CELF2: variants seen among roughly 807,000 people sequenced by gnomAD.
CELF2 encodes CUGBP Elav-like family member 2, also known as CUG triplet repeat RNA-binding protein 2.
CELF2 carries 8 observed loss-of-function variants against 62.6 expected under a neutral mutation model. The ratio of observed to expected loss-of-function variants is 0.13; its 90% CI spans 0.07 to 0.23. The LOEUF is 0.23. CELF2 is among the 10% of genes least tolerant of loss of function. The pLI is 1.00. For missense variants in CELF2, 333 were observed against 671.0 expected (o/e 0.50, Z 5.56); for synonymous variants, 258 against 250.0 (o/e 1.03, Z -0.30).
chr10:10,772,076 C>G, the CELF2 span, among the ~76,000 whole-genome samples: 12,245 of 151,998 alleles, frequency 0.081, 708 homozygotes, highest in East Asian at 0.19. Flanking sequence ...ATTACTGTGC[C>G]TATTGTACAG....
intron 1 of CELF2, among the ~76,000 whole-genome samples, chr10:10,802,771 A>G (rs1202173163): frequency 6.6e-6 from 1 of 152,036 alleles, no homozygotes; most frequent in Non-Finnish European, 1.5e-5. Context: ...TCCTCTTCCA[A>G]CTCCATCCTC....
At chr10:11,138,298 G>A (rs1209848854) in intron 1 of CELF2, among the ~76,000 whole-genome samples, 1 of 152,068 alleles carries the variant, frequency 6.6e-6, no homozygotes, top group Non-Finnish European at 1.5e-5. Flanking sequence ...ACTGAGACAC[G>A]TAAATGGAAT....
At position 11,260,034 on chromosome 10, in the gene CELF2, A is replaced by G. The variant is rs1421458627; in HGVS notation, c.538+2162A>G. ...CCTTAAATTACTCATAGCGAAATCT[A>G]TAATGGCTTAGGGGCCAGTGACCCC... On this transcript the variant is annotated intron_variant, in intron 5 of 12. Transcript: ENST00000633077. The surrounding 1 kb of genome is among the most constrained non-coding windows in gnomAD (Gnocchi z 4.2). 1.3e-5 allele frequency among the ~76,000 whole-genome samples: 2 copies of G among 152,232 alleles called. No individual in the cohort carries two copies. The highest frequency in any genetic ancestry group is 6.5e-5 in the Admixed American group (1 of 15,286).
chr10:11,140,374 G>A (rs1456101553), intron 1 of CELF2, among the ~76,000 whole-genome samples: 1 of 152,004 alleles, frequency 6.6e-6, no homozygotes, highest in Admixed American at 6.6e-5. Flanking sequence ...CCAGGTAGCT[G>A]GGATTACAGG....
At position 11,165,413 on chromosome 10, in the gene CELF2, C is replaced by G. The variant is rs988947274; in HGVS notation, c.75-73C>G. ...TCCTCCTTCCGCCTCCCCGCTCCCC[C>G]ACCCCCACTATTTTTTCTTCCTGTC... On this transcript the variant is annotated intron_variant, in intron 1 of 12. Coordinates refer to ENST00000633077, the MANE Select transcript of CELF2 (RefSeq NM_001326342.2). This position sits in a 1 kb window ranked among gnomAD's most constrained non-coding sequence, Gnocchi z 7.4. 7 of 1,550,866 alleles carry G rather than the reference C, an allele frequency of 4.5e-6. No individual in the cohort carries two copies. The highest frequency in any genetic ancestry group is 1.9e-5 in the Admixed American group (1 of 52,794).
At chr10:11,274,471 T>G (rs1164996044) in intron 7 of CELF2, among the ~76,000 whole-genome samples, 2 of 152,232 alleles carry the variant, frequency 1.3e-5, no homozygotes, top group African/African-American at 2.4e-5. Flanking sequence ...TAGCACCAGA[T>G]AGTTGTGAGT....
rs775972134 is a variant in CELF2 at position 11,330,375 on chromosome 10, T to C, written c.*1322T>C. ...ATGACCTAAGATTTGCATTAGTTTT[T>C]CTCCTGCACCCTTAAAAGTGATTTT... On this transcript the variant is annotated 3_prime_UTR_variant, in exon 13 of 13. Coordinates refer to ENST00000633077, the MANE Select transcript of CELF2 (RefSeq NM_001326342.2). This position sits in a 1 kb window ranked among gnomAD's most constrained non-coding sequence, Gnocchi z 4.5. 6 of 152,742 alleles carry C rather than the reference T, an allele frequency of 3.9e-5. No individual in the cohort carries two copies. Among genetic ancestry groups the C allele is most frequent in the Non-Finnish European group, 8.8e-5 (6 of 68,026 alleles). The allele number at this position is 152,742 out of a possible 1,614,324, so 9.5% of individuals were successfully genotyped here.
the CELF2 span, among the ~76,000 whole-genome samples, chr10:10,737,460 C>T: frequency 0.41 from 62,556 of 151,886 alleles, 13,766 homozygotes; most frequent in African/African-American, 0.54. Flanking sequence ...TCTGCCAAGA[C>T]TCAAAACTAG....
chr10:11,049,459 C>A (rs1212703063), intron 1 of CELF2, among the ~76,000 whole-genome samples: 1 of 144,684 alleles, frequency 6.9e-6, no homozygotes, highest in Non-Finnish European at 1.5e-5. Flanking sequence ...GGGGAGAGGT[C>A]AAGGACGTAG....
At chr10:10,638,252 T>G in the CELF2 span, among the ~76,000 whole-genome samples, 9 of 152,328 alleles carry the variant, frequency 5.9e-5, no homozygotes, top group South Asian at 1.7e-3. Context: ...GGTTTCTGTA[T>G]CCCAAGTTGT....
intron 1 of CELF2, among the ~76,000 whole-genome samples, chr10:10,810,757 T>C (rs528009979): frequency 1.3e-5 from 2 of 152,316 alleles, no homozygotes; most frequent in East Asian, 3.9e-4. Context: ...CCAATCATCG[T>C]TCATCAAGTC....
the CELF2 span, among the ~76,000 whole-genome samples, chr10:10,773,836 C>A: frequency 6.6e-6 from 1 of 152,162 alleles, no homozygotes; most frequent in African/African-American, 2.4e-5. Flanking sequence ...AGACCCACTG[C>A]TCCTTCCTTT....
chr10:10,541,444 C>T, the CELF2 span, among the ~76,000 whole-genome samples: 2 of 152,120 alleles, frequency 1.3e-5, no homozygotes, highest in Non-Finnish European at 2.9e-5. Flanking sequence ...AGAATGGCTA[C>T]TCCATAGGTA....
chr10:11,306,346 T>C lies in CELF2; in HGVS notation c.977-7793T>C, dbSNP rs543615219. ...CAGTTCTCAGCACAGACTGAAGGAA[T>C]CTGAGGTGGGAAGAATGCAGATGGT... On this transcript the variant is annotated intron_variant, in intron 9 of 12. Transcript: ENST00000633077. The surrounding 1 kb of genome is among the most constrained non-coding windows in gnomAD (Gnocchi z 4.4). 4.6e-5 allele frequency among the ~76,000 whole-genome samples: 7 copies of C among 152,176 alleles called. No individual in the cohort carries two copies. The East Asian group carries it at 1.4e-3, about 29-fold the overall frequency.
intron 1 of CELF2, among the ~76,000 whole-genome samples, chr10:11,137,222 G>C (rs1176870829): frequency 2.6e-5 from 4 of 152,214 alleles, no homozygotes; most frequent in African/African-American, 9.6e-5. Flanking sequence ...CTGTAGGTTG[G>C]CTTTCTAAAG....
At position 11,270,562 on chromosome 10, in the gene CELF2, T is replaced by G; in HGVS notation, c.619-104T>G. The G allele has an allele frequency of 2.0e-6, 2 of 1,000,278 alleles. No homozygotes were observed. Among genetic ancestry groups the G allele is most frequent in the South Asian group, 6.7e-5 (2 of 29,904 alleles). The allele number at this position is 1,000,278 out of a possible 1,614,324, so 62.0% of individuals were successfully genotyped here. ...TTTTAAACCATTTCAGCCCATTCCA[T>G]GTGCTCCAGGCTAGTGCAGAAAGGT... On this transcript the variant is annotated intron_variant, in intron 6 of 12. Coordinates refer to ENST00000633077, the MANE Select transcript of CELF2 (RefSeq NM_001326342.2). The surrounding 1 kb of genome is among the most constrained non-coding windows in gnomAD (Gnocchi z 5.8).
chr10:10,581,963 G>A, the CELF2 span, among the ~76,000 whole-genome samples: 2 of 152,138 alleles, frequency 1.3e-5, no homozygotes, highest in African/African-American at 2.4e-5. Context: ...AGGAGGCACA[G>A]GTTGCAGTGA....
rs912286052 is a variant in CELF2 at position 11,255,325 on chromosome 10, A to T, written c.404-2413A>T. Among the ~76,000 whole-genome samples, 1 of 152,120 alleles carries T rather than the reference A, an allele frequency of 6.6e-6. No individual in the cohort carries two copies. Among genetic ancestry groups the T allele is most frequent in the Non-Finnish European group, 1.5e-5 (1 of 68,016 alleles). ...CACAAGCAGTGGCTCAGGCCAGCTGATGCTTTCCTCACTGAGCTCCTTCTC... is the reference window on the plus strand; with the variant it reads ...CACAAGCAGTGGCTCAGGCCAGCTGTTGCTTTCCTCACTGAGCTCCTTCTC... On this transcript the variant is annotated intron_variant, in intron 4 of 12. Coordinates refer to ENST00000633077, the MANE Select transcript of CELF2 (RefSeq NM_001326342.2). This position sits in a 1 kb window ranked among gnomAD's most constrained non-coding sequence, Gnocchi z 5.5.
the CELF2 span, among the ~76,000 whole-genome samples, chr10:10,769,062 C>T: frequency 3.3e-5 from 5 of 152,194 alleles, no homozygotes; most frequent in Admixed American, 6.5e-5. Flanking sequence ...TGTTTTTCCT[C>T]TCTTCATCCT....
Sources: gnomAD v4.1 joint callset for allele counts (sites outside exome capture counted in the v4.1 genomes callset) on GRCh38, gnomAD v4.1.1 for gene constraint, Gnocchi (gnomAD v3.1) non-coding constraint, MANE v1.5 for transcripts, NCBI Gene and HGNC (gene_info 2026-07-23, HGNC 2026-07-21) for gene names.